CACNA2D1: variants seen among roughly 807,000 people sequenced by gnomAD.
CACNA2D1 encodes calcium voltage-gated channel auxiliary subunit alpha2delta 1.
Under a neutral mutation model 171.5 loss-of-function variants are expected in CACNA2D1, and 53 were observed. The ratio of observed to expected loss-of-function variants is 0.31; its 90% CI spans 0.25 to 0.39. The LOEUF (loss-of-function observed/expected upper bound fraction) is 0.39, where lower values mean the gene tolerates loss of function less well. CACNA2D1 is among the 10% of genes least tolerant of loss of function. The probability of loss-of-function intolerance (pLI) is 1.00; values close to 1 mark genes in which losing one functional copy is unlikely to be tolerated. For synonymous variants in CACNA2D1, 442 were observed against 443.1 expected, an observed-to-expected ratio of 1.00 and a Z score of 0.03; for missense variants, 903 against 1,299.8, an observed-to-expected ratio of 0.69 and a Z score of 4.69.
At chr7:82,040,947 C>A (rs1308340459) in intron 10 of CACNA2D1, among the ~76,000 whole-genome samples, 2 of 151,964 alleles carry the variant, frequency 1.3e-5, no homozygotes, top group Non-Finnish European at 2.9e-5. Context: ...TGCACTCCAG[C>A]CTGGGCAACA....
At chr7:82,308,872 A>G (rs906526781) in intron 3 of CACNA2D1, among the ~76,000 whole-genome samples, 3 of 152,196 alleles carry the variant, frequency 2.0e-5, no homozygotes, top group African/African-American at 7.2e-5. Flanking sequence ...ATCCCTTTAG[A>G]AGTGCAAGTT....
chr7:82,215,185 C>G (rs551597152), intron 3 of CACNA2D1, among the ~76,000 whole-genome samples: 1 of 152,132 alleles, frequency 6.6e-6, no homozygotes, highest in Admixed American at 6.5e-5. Context: ...CAAGACAGAC[C>G]GCTCATTCAT....
At chr7:82,273,955 A>G (rs1304252127) in intron 3 of CACNA2D1, among the ~76,000 whole-genome samples, 1 of 152,200 alleles carries the variant, frequency 6.6e-6, no homozygotes, top group Non-Finnish European at 1.5e-5. Flanking sequence ...TAATTTTTCT[A>G]CTGAAGAAAA....
At chr7:82,404,510 C>T (rs1826803424) in intron 1 of CACNA2D1, among the ~76,000 whole-genome samples, 1 of 152,126 alleles carries the variant, frequency 6.6e-6, no homozygotes. Flanking sequence ...AAGTTTTCTT[C>T]TGAGATGGTT....
chr7:82,268,860 G>A (rs1808259567), intron 3 of CACNA2D1, among the ~76,000 whole-genome samples: 1 of 152,156 alleles, frequency 6.6e-6, no homozygotes, highest in Admixed American at 6.5e-5. Context: ...GGGTGGCTGG[G>A]AAGCTTTAAT....
chr7:82,407,364 CATA>C (rs1335812645), intron 1 of CACNA2D1, among the ~76,000 whole-genome samples: 1 of 152,152 alleles, frequency 6.6e-6, no homozygotes, highest in African/African-American at 2.4e-5. Context: ...CCAAATGACT[CATA>C]ATATTTCTTT....
At chr7:82,208,594 T>G (rs994424065) in intron 3 of CACNA2D1, among the ~76,000 whole-genome samples, 40 of 152,166 alleles carry the variant, frequency 2.6e-4, no homozygotes, top group Non-Finnish European at 4.6e-4. Context: ...CCCCTTAAAT[T>G]TGCTTCTGTA....
chr7:81,989,975 TG>T (rs1247766264), intron 21 of CACNA2D1, among the ~76,000 whole-genome samples: 1 of 152,166 alleles, frequency 6.6e-6, no homozygotes, highest in Non-Finnish European at 1.5e-5. Flanking sequence ...TGTGGTAACC[TG>T]AGAGTTGGAT....
At chr7:82,443,805 T>G (rs1407725831), upstream of CACNA2D1, 38 of 816,056 alleles carry the variant, frequency 4.7e-5, no homozygotes, top group Middle Eastern at 1.7e-3. Flanking sequence ...CCCTGATTTA[T>G]TCCCCCGATT....
chr7:82,116,202 A>C (rs543752879), intron 6 of CACNA2D1, among the ~76,000 whole-genome samples: 63 of 152,294 alleles, frequency 4.1e-4, no homozygotes, highest in African/African-American at 1.5e-3. Context: ...GGATGGGTTA[A>C]AGAATAAATA....
intron 3 of CACNA2D1, among the ~76,000 whole-genome samples, chr7:82,195,738 C>T (rs1356182976): frequency 6.6e-6 from 1 of 151,798 alleles, no homozygotes; most frequent in Non-Finnish European, 1.5e-5. Context: ...CTTGGCCTGG[C>T]TCACCCTGAG....
intron 12 of CACNA2D1, among the ~76,000 whole-genome samples, chr7:82,017,496 T>C (rs1800643271): frequency 6.6e-6 from 1 of 152,136 alleles, no homozygotes; most frequent in Admixed American, 6.5e-5. Flanking sequence ...GAATTGTAAA[T>C]GGTTTCATTC....
rs542370587 is a variant in CACNA2D1, at chr7:82,346,152, C to A, written c.177+3416G>T. ...GAGCAACTGGAAGAATCATTTTGCA[C>A]CCAGGCATGGAAGCCCCATGCTAAG... On this transcript the variant is annotated intron_variant, in intron 2 of 38. Transcript: ENST00000356860. Among the ~76,000 whole-genome samples, 5 of 152,270 alleles carry A rather than the reference C, an allele frequency of 3.3e-5. No individual in the cohort carries two copies. In the South Asian group the frequency reaches 8.3e-4, roughly 25 times the overall value.
chr7:82,162,891 C>G (rs1193164713), intron 4 of CACNA2D1, among the ~76,000 whole-genome samples: 1 of 151,978 alleles, frequency 6.6e-6, no homozygotes, highest in East Asian at 1.9e-4. Context: ...CTATATTAAT[C>G]ATCTGTGCCT....
chr7:81,955,129 T>C (rs1793073293), intron 38 of CACNA2D1, among the ~76,000 whole-genome samples: 1 of 152,148 alleles, frequency 6.6e-6, no homozygotes, highest in Non-Finnish European at 1.5e-5. Context: ...TCAAAAAGTC[T>C]TGTTTGAACA....
At chr7:82,112,006 A>T (rs1437502756) in intron 6 of CACNA2D1, among the ~76,000 whole-genome samples, 2 of 152,108 alleles carry the variant, frequency 1.3e-5, no homozygotes, top group Non-Finnish European at 2.9e-5. Flanking sequence ...CAACTACTAT[A>T]ATCAATATAG....
At chr7:81,980,072 T>C (rs993921986) in intron 24 of CACNA2D1, among the ~76,000 whole-genome samples, 16 of 131,348 alleles carry the variant, frequency 1.2e-4, no homozygotes, top group Admixed American at 1.6e-4. Context: ...ATTTTTAAGT[T>C]GGGATTTCGG....
At chr7:82,182,563 T>G (rs1797238299) in intron 3 of CACNA2D1, among the ~76,000 whole-genome samples, 1 of 146,884 alleles carries the variant, frequency 6.8e-6, no homozygotes, top group South Asian at 2.1e-4. Context: ...TTTTTCTGCG[T>G]TTTTTTTTTA....
At chr7:82,260,284 G>A (rs1279063337) in intron 3 of CACNA2D1, among the ~76,000 whole-genome samples, 2 of 151,986 alleles carry the variant, frequency 1.3e-5, no homozygotes, top group African/African-American at 2.4e-5. Context: ...CTTAGCGAGT[G>A]TCATGTATAG....
Sources: allele counts gnomAD v4.1 joint callset (sites outside exome capture counted in the v4.1 genomes callset), GRCh38; gene constraint gnomAD v4.1.1; transcripts MANE v1.5; gene names NCBI Gene and HGNC (gene_info 2026-07-23, HGNC 2026-07-21).